DAB1: variants seen among roughly 807,000 people sequenced by gnomAD.
The protein encoded by DAB1 is DAB adaptor protein 1.
In DAB1, 15 loss-of-function variants were observed where a neutral mutation model predicts 64.6. The ratio of observed to expected loss-of-function variants is 0.23; its 90% CI spans 0.16 to 0.36. DAB1 has a LOEUF of 0.36. Ranked by LOEUF, DAB1 falls within the 10% of genes least tolerant of loss-of-function variation. The probability of loss-of-function intolerance (pLI) is 1.00; values close to 1 mark genes in which losing one functional copy is unlikely to be tolerated. For synonymous variants in DAB1, 235 were observed against 251.9 expected, an observed-to-expected ratio of 0.93 and a Z score of 0.64; for missense variants, 596 against 706.7, an observed-to-expected ratio of 0.84 and a Z score of 1.78.
chr1:58,236,108 C>T (rs1399835496), intron 4 of DAB1, among the ~76,000 whole-genome samples: 2 of 148,120 alleles, frequency 1.4e-5, no homozygotes, highest in Non-Finnish European at 3.0e-5. Flanking sequence ...CCCGCCCCCC[C>T]GCCCCACCCC....
chr1:58,001,873 C>T (rs1212442077), intron 5 of DAB1, among the ~76,000 whole-genome samples: 1 of 152,086 alleles, frequency 6.6e-6, no homozygotes, highest in Non-Finnish European at 1.5e-5. Flanking sequence ...CCAGGTCAAC[C>T]CTAAATGCAA....
chr1:58,228,564 AG>A (rs1336065667), intron 4 of DAB1: 2 of 419,506 alleles, frequency 4.8e-6, no homozygotes. Flanking sequence ...TGGCAGGGGG[AG>A]GGGGGACTCT....
chr1:57,994,903 A>G (rs2100386094), intron 5 of DAB1, among the ~76,000 whole-genome samples: 1 of 152,298 alleles, frequency 6.6e-6, no homozygotes, highest in African/African-American at 2.4e-5. Flanking sequence ...AGTGATTAAA[A>G]AAAAAGAAAG....
chr1:57,478,842 CACCG>C (rs1643974044), intron 7 of DAB1, among the ~76,000 whole-genome samples: 1 of 151,780 alleles, frequency 6.6e-6, no homozygotes, highest in Non-Finnish European at 1.5e-5. Context: ...CCTCATGATC[CACCG>C]ACCTCGGACT....
At chr1:57,053,523 G>A (rs1255987979) in intron 9 of DAB1, among the ~76,000 whole-genome samples, 2 of 151,138 alleles carry the variant, frequency 1.3e-5, no homozygotes, top group African/African-American at 2.4e-5. Flanking sequence ...CAAAACACTG[G>A]GATTATATGT....
At chr1:57,881,741 T>TA (rs1193946521) in intron 1 of DAB1, among the ~76,000 whole-genome samples, 5 of 152,184 alleles carry the variant, frequency 3.3e-5, no homozygotes, top group African/African-American at 1.2e-4. Context: ...GGGTGGCTTC[T>TA]AGCAGGGTGA....
chr1:58,456,011 CTT>C (rs1231074992), intron 3 of DAB1, among the ~76,000 whole-genome samples: 1 of 152,260 alleles, frequency 6.6e-6, no homozygotes, highest in Admixed American at 6.5e-5. Flanking sequence ...GACGACATCA[CTT>C]GTCTCTGCCT....
chr1:58,528,401 T>C (rs1646383862), intron 1 of DAB1, among the ~76,000 whole-genome samples: 1 of 152,174 alleles, frequency 6.6e-6, no homozygotes, highest in Admixed American at 6.6e-5. Context: ...CAGAGGGGAT[T>C]AAATGAACAA....
At chr1:57,866,104 T>C (rs1936407) in intron 1 of DAB1, among the ~76,000 whole-genome samples, 36,900 of 152,134 alleles carry the variant, frequency 0.24, 5,195 homozygotes, top group Non-Finnish European at 0.32. Flanking sequence ...CACAAACTTT[T>C]CTTGCCACTA....
At chr1:58,037,781 T>A (rs560365041) in intron 5 of DAB1, among the ~76,000 whole-genome samples, 2 of 152,236 alleles carry the variant, frequency 1.3e-5, no homozygotes, top group Non-Finnish European at 2.9e-5. Context: ...TTACCTTCCT[T>A]CCTTTCCTCA....
chr1:57,291,344 T>G (rs1672760051), intron 1 of DAB1, among the ~76,000 whole-genome samples, 178 bp from the exon 2 acceptor site: 2 of 152,200 alleles, frequency 1.3e-5, no homozygotes, highest in South Asian at 4.1e-4. Context: ...ATGAGAGGCT[T>G]AGCGGCAAAA....
intron 7 of DAB1, among the ~76,000 whole-genome samples, chr1:57,578,795 A>C (rs557427392): frequency 1.3e-5 from 2 of 152,332 alleles, no homozygotes; most frequent in South Asian, 2.1e-4. Flanking sequence ...AGGAGGGTTC[A>C]TGTGGATTTG....
intron 5 of DAB1, among the ~76,000 whole-genome samples, chr1:57,933,394 T>C (rs1644980504): frequency 6.6e-6 from 1 of 152,034 alleles, no homozygotes. Context: ...CTTCTAAGCT[T>C]CTCACATGCC....
At chr1:57,158,434 T>C (rs1660443807) in intron 2 of DAB1, among the ~76,000 whole-genome samples, 1 of 152,176 alleles carries the variant, frequency 6.6e-6, no homozygotes, top group Non-Finnish European at 1.5e-5. Flanking sequence ...CTTCTGCATA[T>C]CTATCTGAAT....
chr1:58,230,797 A>G (rs1353553952), intron 4 of DAB1, among the ~76,000 whole-genome samples: 2 of 152,244 alleles, frequency 1.3e-5, no homozygotes, highest in African/African-American at 4.8e-5. Flanking sequence ...CAGGTTGAAC[A>G]TCCACAATTG....
At chr1:57,706,032 T>C (rs865931200) in intron 6 of DAB1, among the ~76,000 whole-genome samples, 1 of 151,082 alleles carries the variant, frequency 6.6e-6, no homozygotes, top group Non-Finnish European at 1.5e-5. Context: ...AATTTTATAG[T>C]GTTTATACTT....
chr1:58,319,325 C>A (rs560414231), intron 4 of DAB1, among the ~76,000 whole-genome samples: 2 of 152,274 alleles, frequency 1.3e-5, no homozygotes, highest in East Asian at 3.9e-4. Flanking sequence ...TTTCTGCTTC[C>A]TATTTCATTT....
At chr1:57,932,710 C>G (rs992719627) in intron 5 of DAB1, among the ~76,000 whole-genome samples, 1 of 152,226 alleles carries the variant, frequency 6.6e-6, no homozygotes, top group African/African-American at 2.4e-5. Context: ...TCCCTGATAA[C>G]TTTCCTTGCT....
At chr1:57,692,324 GA>G (rs1380612266) in intron 6 of DAB1, among the ~76,000 whole-genome samples, 1 of 152,064 alleles carries the variant, frequency 6.6e-6, no homozygotes, top group African/African-American at 2.4e-5. Flanking sequence ...AAACTAAGAA[GA>G]GGGGAGAACA....
Sources: allele counts gnomAD v4.1 joint callset (sites outside exome capture counted in the v4.1 genomes callset), GRCh38; gene constraint gnomAD v4.1.1; transcripts MANE v1.5; gene names NCBI Gene and HGNC (gene_info 2026-07-23, HGNC 2026-07-21).